INSL6: variants seen among roughly 807,000 people sequenced by gnomAD.
INSL6 encodes the protein insulin-like peptide INSL6.
A neutral mutation model predicts 9.4 loss-of-function variants in INSL6; 16 were observed. The observed-to-expected ratio is 1.70, with a 90% confidence interval of 1.15 to 2.59. The LOEUF (loss-of-function observed/expected upper bound fraction) is 2.59. INSL6 is among the 30% of genes most tolerant of loss of function. The probability of loss-of-function intolerance (pLI) is 0.00; values close to 1 mark genes in which losing one functional copy is unlikely to be tolerated. For missense variants in INSL6, 391 were observed against 257.3 expected (o/e 1.52, Z -3.56); for synonymous variants, 154 against 96.9 (o/e 1.59, Z -3.46).
the INSL6 span, among the ~76,000 whole-genome samples, chr9:5,016,875 A>C: frequency 6.6e-6 from 1 of 152,220 alleles, no homozygotes; most frequent in African/African-American, 2.4e-5. Flanking sequence ...CTGCTAAAAT[A>C]ATTTAGAGGG....
At chr9:5,030,143 C>A in the INSL6 span, among the ~76,000 whole-genome samples, 7 of 152,072 alleles carry the variant, frequency 4.6e-5, no homozygotes, top group African/African-American at 1.7e-4. Flanking sequence ...CACTTAACTC[C>A]TTATGATTAT....
At chr9:5,080,953 T>C in the INSL6 span, among the ~76,000 whole-genome samples, 1 of 143,634 alleles carries the variant, frequency 7.0e-6, no homozygotes, top group Non-Finnish European at 1.5e-5. Context: ...TGGAGTGCAG[T>C]GGCGCGATCT....
At chr9:5,103,884 A>C in the INSL6 span, among the ~76,000 whole-genome samples, 1 of 152,370 alleles carries the variant, frequency 6.6e-6, no homozygotes, top group African/African-American at 2.4e-5. Context: ...ACAAAGACAC[A>C]GCATACCAGA....
At chr9:5,122,189 C>G (rs1823670938), downstream of INSL6, among the ~76,000 whole-genome samples, 2 of 152,034 alleles carry the variant, frequency 1.3e-5, no homozygotes, top group Non-Finnish European at 2.9e-5. Flanking sequence ...TTTTTAATAT[C>G]AGTCTAAAAC....
intron 3 of INSL6, chr9:5,132,745 G>A (rs1033036912): frequency 9.2e-5 from 14 of 152,162 alleles, no homozygotes; most frequent in African/African-American, 3.4e-4. Context: ...AACATATTAA[G>A]AATAAAGAAG....
the INSL6 span, chr9:5,044,527 T>G: frequency 6.9e-7 from 1 of 1,445,490 alleles, no homozygotes; most frequent in Non-Finnish European, 9.6e-7. Flanking sequence ...TCAGGTATGA[T>G]TATATTATCT....
the INSL6 span, among the ~76,000 whole-genome samples, chr9:5,037,601 G>T: frequency 6.6e-6 from 1 of 151,832 alleles, no homozygotes; most frequent in East Asian, 1.9e-4. Context: ...GCAAACTATC[G>T]CAAGGACAAA....
the INSL6 span, among the ~76,000 whole-genome samples, chr9:5,021,781 C>T: frequency 3.9e-5 from 6 of 152,262 alleles, no homozygotes; most frequent in South Asian, 2.1e-4. Context: ...CGTGCTGCCA[C>T]GCCCAGCTAA....
chr9:5,069,017 T>C, the INSL6 span: 4 of 1,542,222 alleles, frequency 2.6e-6, no homozygotes, highest in South Asian at 2.4e-5. Context: ...ATTAAACTTA[T>C]ACAGCGAGAA....
chr9:5,151,125 T>C lies in INSL6; in HGVS notation c.376+13054A>G, dbSNP rs193281771. Among the ~76,000 whole-genome samples, 634 of 152,246 alleles carry C rather than the reference T, an allele frequency of 4.2e-3. 3 individuals are homozygous for C. The highest frequency in any genetic ancestry group is 0.015 in the African/African-American group (609 of 41,558). On this transcript the variant is annotated intron_variant, in intron 2 of 3. Transcript: ENST00000649639. ...AGGTGGATGATGAGAAATTAACTAA[T>C]GGGTACAGTGTACACTATTCATGTG...
chr9:5,066,771 T>C, the INSL6 span: 1 of 1,556,302 alleles, frequency 6.4e-7, no homozygotes, highest in East Asian at 2.3e-5. Flanking sequence ...ATAAATATTT[T>C]TTGACTTTTG....
intron 1 of INSL6, among the ~76,000 whole-genome samples, chr9:5,171,744 G>T (rs1274820597): frequency 6.6e-6 from 1 of 152,134 alleles, no homozygotes; most frequent in African/African-American, 2.4e-5. Flanking sequence ...ATTCACAATT[G>T]CTACAAAGAG....
the INSL6 span, among the ~76,000 whole-genome samples, chr9:5,105,117 T>C: frequency 6.8e-4 from 104 of 152,342 alleles, no homozygotes; most frequent in African/African-American, 2.4e-3. Flanking sequence ...GGAAGTCAAA[T>C]TGTCCCTGTT....
At chr9:4,999,052 C>G in the INSL6 span, among the ~76,000 whole-genome samples, 2 of 152,004 alleles carry the variant, frequency 1.3e-5, no homozygotes. Context: ...GTCTCGATCT[C>G]CTGACCTTGT....
chr9:5,134,599 T>C lies in INSL6; in HGVS notation c.377-1007A>G, dbSNP rs12337481. Among the ~76,000 whole-genome samples, 3 of 151,954 alleles carry C rather than the reference T, an allele frequency of 2.0e-5. 1 individual carries two copies. The highest frequency in any genetic ancestry group is 7.3e-5 in the African/African-American group (3 of 41,356). Reference sequence around the variant, plus strand: ...TATCCATCTAAACTAAGCTTCGTAATTGAAGGAGAAATAAAATCCCTCACG... The same window carrying C: ...TATCCATCTAAACTAAGCTTCGTAACTGAAGGAGAAATAAAATCCCTCACG... On this transcript the variant is annotated intron_variant, in intron 2 of 3. Transcript: ENST00000649639.
chr9:5,067,649 C>A, the INSL6 span, among the ~76,000 whole-genome samples: 1 of 151,084 alleles, frequency 6.6e-6, no homozygotes, highest in Admixed American at 6.6e-5. Context: ...AGTATGAATT[C>A]AAAAAAATAT....
the INSL6 span, among the ~76,000 whole-genome samples, chr9:5,105,651 G>C: frequency 0.38 from 58,128 of 151,888 alleles, 14,820 homozygotes; most frequent in African/African-American, 0.73. Context: ...ATCACACTAC[G>C]TAACTTCAAA....
chr9:5,130,884 A>G (rs1824263702), intron 3 of INSL6, among the ~76,000 whole-genome samples: 1 of 149,522 alleles, frequency 6.7e-6, no homozygotes, highest in East Asian at 2.0e-4. Flanking sequence ...GCCTGCCACT[A>G]CACCCGGCTA....
chr9:5,069,283 T>C, the INSL6 span: 7 of 945,706 alleles, frequency 7.4e-6, no homozygotes, highest in Middle Eastern at 5.6e-4. Flanking sequence ...CTTCAGTACA[T>C]TGATTTCAAA....
Sources: allele counts gnomAD v4.1 joint callset (sites outside exome capture counted in the v4.1 genomes callset), GRCh38; gene constraint gnomAD v4.1.1; transcripts MANE v1.5; gene names NCBI Gene and HGNC (gene_info 2026-07-23, HGNC 2026-07-21).